DLC1: variants seen among roughly 807,000 people sequenced by gnomAD.
The protein encoded by DLC1 is DLC1 Rho GTPase activating protein.
In DLC1, 54 loss-of-function variants were observed where a neutral mutation model predicts 140.3. That is an observed-to-expected ratio of 0.38 (90% confidence interval 0.31 to 0.48). The LOEUF is 0.48. DLC1 is among the 20% of genes least tolerant of loss of function. The probability of loss-of-function intolerance (pLI) is 0.96; values close to 1 mark genes in which losing one functional copy is unlikely to be tolerated. For missense variants in DLC1, 2,536 were observed against 1,907.0 expected, an observed-to-expected ratio of 1.33 and a Z score of -6.14; for synonymous variants, 986 against 728.1, an observed-to-expected ratio of 1.35 and a Z score of -5.70.
At chr8:13,547,308 G>A (rs1269191199) in intron 1 of DLC1, among the ~76,000 whole-genome samples, 1 of 151,898 alleles carries the variant, frequency 6.6e-6, no homozygotes, top group Non-Finnish European at 1.5e-5. Context: ...AAAGCCTTTA[G>A]CATTATATCA....
intron 5 of DLC1, among the ~76,000 whole-genome samples, chr8:13,216,782 T>A (rs1828218744): frequency 6.6e-6 from 1 of 152,124 alleles, no homozygotes; most frequent in African/African-American, 2.4e-5. Flanking sequence ...CTCTATCTAG[T>A]AGACACTAGT....
chr8:13,502,128 G>T (rs1354552651), intron 1 of DLC1, among the ~76,000 whole-genome samples: 2 of 152,090 alleles, frequency 1.3e-5, no homozygotes, highest in African/African-American at 4.8e-5. Context: ...CAAAAATTTT[G>T]CCTTTAAGAC....
chr8:13,116,263 A>C, intron 5 of DLC1: 1 of 982,564 alleles, frequency 1.0e-6, no homozygotes, highest in Non-Finnish European at 1.2e-6. Flanking sequence ...CAATCTTGGC[A>C]GGCAGAAATG....
intron 1 of DLC1, among the ~76,000 whole-genome samples, chr8:13,587,899 C>T (rs192171730): frequency 6.6e-6 from 1 of 152,062 alleles, no homozygotes; most frequent in East Asian, 1.9e-4. Flanking sequence ...CCCCTCATGG[C>T]AGTATGATTT....
At chr8:13,435,334 A>G (rs1001679807) in intron 2 of DLC1, among the ~76,000 whole-genome samples, 6 of 151,928 alleles carry the variant, frequency 3.9e-5, no homozygotes, top group South Asian at 2.1e-4. Context: ...CTTTTTTGAG[A>G]CAGAGTTTCA....
At chr8:13,376,590 T>C (rs2117140458) in intron 4 of DLC1, among the ~76,000 whole-genome samples, 1 of 152,254 alleles carries the variant, frequency 6.6e-6, no homozygotes, top group East Asian at 1.9e-4. Context: ...TGTTAAGAAA[T>C]AAGGCAGGTG....
intron 5 of DLC1, among the ~76,000 whole-genome samples, chr8:13,250,444 T>C (rs1829952967): frequency 1.3e-5 from 2 of 152,164 alleles, no homozygotes; most frequent in African/African-American, 4.8e-5. Flanking sequence ...ATAAAATTTA[T>C]AAACCCTTAA....
chr8:13,466,608 A>G (rs1379771218), intron 2 of DLC1, among the ~76,000 whole-genome samples: 1 of 152,184 alleles, frequency 6.6e-6, no homozygotes, highest in Non-Finnish European at 1.5e-5. Flanking sequence ...GGCACCTTGT[A>G]AACATCCACA....
intron 5 of DLC1, among the ~76,000 whole-genome samples, chr8:13,206,008 C>T (rs2117087442): frequency 6.6e-6 from 1 of 152,264 alleles, no homozygotes; most frequent in Admixed American, 6.5e-5. Context: ...TACTCTTTTT[C>T]AAAGTGAACC....
At chr8:13,535,601 C>G (rs1434410083) in intron 1 of DLC1, among the ~76,000 whole-genome samples, 1 of 147,284 alleles carries the variant, frequency 6.8e-6, no homozygotes, top group Non-Finnish European at 1.5e-5. Flanking sequence ...AAAGACCCAT[C>G]TGTCTTCTGA....
intron 2 of DLC1, among the ~76,000 whole-genome samples, chr8:13,435,454 C>T (rs1351524689): frequency 2.6e-5 from 4 of 152,174 alleles, no homozygotes; most frequent in East Asian, 1.9e-4. Context: ...GCTGGGATTA[C>T]AGGCATGCGC....
At chr8:13,495,544 T>C (rs1393592592) in intron 2 of DLC1, among the ~76,000 whole-genome samples, 1 of 152,192 alleles carries the variant, frequency 6.6e-6, no homozygotes, top group East Asian at 1.9e-4. Context: ...ATATATTTCA[T>C]CCTATTTAGA....
chr8:13,288,396 C>T (rs991701382), intron 5 of DLC1, among the ~76,000 whole-genome samples: 54 of 152,184 alleles, frequency 3.5e-4, no homozygotes, highest in African/African-American at 1.3e-3. Context: ...ACCATTTTTC[C>T]ACTCTTCTCT....
At chr8:13,354,182 A>G (rs1248969722) in intron 4 of DLC1, among the ~76,000 whole-genome samples, 3 of 152,078 alleles carry the variant, frequency 2.0e-5, no homozygotes, top group African/African-American at 7.2e-5. Context: ...CTAAGATCTT[A>G]CATATGCCAA....
chr8:13,490,032 G>T (rs548568604), intron 2 of DLC1, among the ~76,000 whole-genome samples: 1 of 106,786 alleles, frequency 9.4e-6, no homozygotes, highest in Non-Finnish European at 2.0e-5. Flanking sequence ...GGCATGAAAG[G>T]CTCACAAAGG....
At chr8:13,597,036 A>C (rs562187534) in intron 1 of DLC1, among the ~76,000 whole-genome samples, 1 of 151,790 alleles carries the variant, frequency 6.6e-6, no homozygotes, top group African/African-American at 2.4e-5. Context: ...CCTGTTCCTC[A>C]TTTAACATAA....
At chr8:13,469,019 C>T (rs192837488) in intron 2 of DLC1, among the ~76,000 whole-genome samples, 6 of 151,820 alleles carry the variant, frequency 4.0e-5, no homozygotes, top group East Asian at 2.0e-4. Context: ...TGGGGTTTCA[C>T]GATGTTGGCC....
chr8:13,177,055 T>C (rs978953380), intron 5 of DLC1, among the ~76,000 whole-genome samples: 1 of 152,338 alleles, frequency 6.6e-6, no homozygotes, highest in South Asian at 2.1e-4. Flanking sequence ...ATAGGTTTCT[T>C]ATAATAATAT....
chr8:13,453,827 G>A (rs1431146105), intron 2 of DLC1, among the ~76,000 whole-genome samples: 1 of 151,716 alleles, frequency 6.6e-6, no homozygotes, highest in African/African-American at 2.4e-5. Flanking sequence ...GCTACTATAT[G>A]TATTAGGATG....
Sources: allele counts gnomAD v4.1 joint callset (sites outside exome capture counted in the v4.1 genomes callset), GRCh38; gene constraint gnomAD v4.1.1; transcripts MANE v1.5; gene names NCBI Gene and HGNC (gene_info 2026-07-23, HGNC 2026-07-21).